Variants in FSCN2 observed in about 807,000 individuals in gnomAD.
FSCN2 encodes fascin actin-bundling protein 2, retinal.
FSCN2 carries 46 observed loss-of-function variants against 37.8 expected under a neutral mutation model. The ratio of observed to expected loss-of-function variants is 1.22; its 90% CI spans 0.96 to 1.56. The LOEUF (loss-of-function observed/expected upper bound fraction) is 1.56, where lower values mean the gene tolerates loss of function less well. Ranked by LOEUF, FSCN2 falls within the 40% of genes most tolerant of loss-of-function variation. The probability of loss-of-function intolerance (pLI) is 0.00; values close to 1 mark genes in which losing one functional copy is unlikely to be tolerated. For missense variants in FSCN2, 844 were observed against 730.4 expected, an observed-to-expected ratio of 1.16 and a Z score of -1.79; for synonymous variants, 351 against 309.4, an observed-to-expected ratio of 1.13 and a Z score of -1.41.
intron 1 of FSCN2, among the ~76,000 whole-genome samples, chr17:81,531,212 G>GAT (rs1568076844): frequency 4.5e-5 from 6 of 134,624 alleles, no homozygotes; most frequent in Middle Eastern, 3.5e-3. Context: ...TGGTGGTGAT[G>GAT]GTGGTGATGG....
At chr17:81,520,432 C>T in the FSCN2 span, among the ~76,000 whole-genome samples, 3 of 152,242 alleles carry the variant, frequency 2.0e-5, no homozygotes, top group East Asian at 5.8e-4. Flanking sequence ...ACCTTGGGCT[C>T]TCTTGAAGGT....
At chr17:81,531,912 ATGATGG>A (rs1211868613) in intron 1 of FSCN2, among the ~76,000 whole-genome samples, 6 of 138,902 alleles carry the variant, frequency 4.3e-5, no homozygotes, top group African/African-American at 8.2e-5. Context: ...AGTGATGGTG[ATGATGG>A]TGATGGTGAT....
At chr17:81,515,564 G>A in the FSCN2 span, among the ~76,000 whole-genome samples, 3 of 152,206 alleles carry the variant, frequency 2.0e-5, no homozygotes, top group Non-Finnish European at 2.9e-5. Context: ...CGACAACAGT[G>A]GCCCAGGGAG....
At chr17:81,527,235 G>A (rs1421507566), upstream of FSCN2, 6 of 152,380 alleles carry the variant, frequency 3.9e-5, no homozygotes, top group Non-Finnish European at 8.8e-5. Context: ...CTCAGGAGAT[G>A]GGCCCAGGAG....
At chr17:81,536,826 G>C (rs769334745) in intron 4 of FSCN2, 37 bp downstream of exon 4, 128 of 1,554,464 alleles carry the variant, frequency 8.2e-5, no homozygotes, top group South Asian at 5.3e-4. Context: ...GGGAGCGGGG[G>C]TGGCAGCGGG....
the FSCN2 span, among the ~76,000 whole-genome samples, chr17:81,515,371 G>T: frequency 6.6e-6 from 1 of 152,232 alleles, no homozygotes; most frequent in African/African-American, 2.4e-5. Flanking sequence ...GCGGCCTCCG[G>T]AGCCGGGAGA....
At chr17:81,535,237 T>TCATCCCCATCCCCAC (rs1375102431) in intron 2 of FSCN2, 29 bp downstream of exon 2, 9 of 1,484,188 alleles carry the variant, frequency 6.1e-6, no homozygotes, top group Admixed American at 2.1e-5. Flanking sequence ...TCCTCCTCCA[T>TCATCCCCATCCCCAC]CATCCCCATC....
upstream of FSCN2, chr17:81,523,592 CAG>C (rs1555669727): frequency 6.6e-6 from 1 of 152,556 alleles, no homozygotes; most frequent in Non-Finnish European, 1.5e-5. Context: ...AAGGGGACAA[CAG>C]AGCCTAGGCA....
intron 1 of FSCN2, among the ~76,000 whole-genome samples, chr17:81,533,894 C>A (rs924367342): frequency 6.6e-6 from 1 of 152,128 alleles, no homozygotes; most frequent in African/African-American, 2.4e-5. Flanking sequence ...GCTGTGGCTT[C>A]CTTCAGTGCC....
rs184769127 is a variant in FSCN2 at position 81,534,107 on chromosome 17, C to T, written c.827-945C>T. 3.3e-3 allele frequency among the ~76,000 whole-genome samples: 509 copies of T among 152,308 alleles called. 3 individuals are homozygous for T. The highest frequency in any genetic ancestry group is 0.011 in the African/African-American group (475 of 41,566). ...AGGGGACATGCCGGGTGCTCCTCTG[C>T]GTCTGATCAGTGATGAGTGTGAGGG... is the stretch of plus-strand genomic sequence containing the variant. On this transcript the variant is annotated intron_variant, in intron 1 of 4. Transcript: ENST00000417245.
intron 1 of FSCN2, among the ~76,000 whole-genome samples, chr17:81,531,444 ATGGTGGTGGTGATGGTGATGATGG>A (rs1568077399): frequency 4.5e-4 from 25 of 55,814 alleles, no homozygotes; most frequent in Admixed American, 1.8e-3. Context: ...GATGGTGGTG[ATGGTGGTGGTGATGGTGATGATGG>A]TGGTGGTGGT....
upstream of FSCN2, among the ~76,000 whole-genome samples, chr17:81,528,203 TAGGCCCTC>T (rs1401798832): frequency 1.3e-5 from 2 of 152,160 alleles, no homozygotes; most frequent in African/African-American, 4.8e-5. Flanking sequence ...TCCAGCCCCG[TAGGCCCTC>T]AGGCCCTCGG....
chr17:81,532,716 GTGGTGA>G (rs1300015149), intron 1 of FSCN2, among the ~76,000 whole-genome samples: 1 of 150,862 alleles, frequency 6.6e-6, no homozygotes, highest in Non-Finnish European at 1.5e-5. Context: ...AGTGATGGTG[GTGGTGA>G]TAGTGATGGT....
At chr17:81,517,232 C>G in the FSCN2 span, among the ~76,000 whole-genome samples, 1 of 152,048 alleles carries the variant, frequency 6.6e-6, no homozygotes, top group Non-Finnish European at 1.5e-5. Context: ...CTCCCCATCC[C>G]CGCTGTGAGC....
rs1555670535 is a variant in FSCN2, at chr17:81,528,641, C to T, written c.110C>T (p.Ala37Val). The T allele has an allele frequency of 1.9e-6, 3 of 1,603,682 alleles. No homozygotes were observed. In the South Asian group the frequency reaches 3.4e-5, roughly 18 times the overall value. ...ESFGFKVNAS[A>V]PSLKRKQTWV... ...TTCGGCTTCAAGGTCAATGCCTCGGCACCCAGCCTCAAGAGGAAGCAGACC... is the reference window on the plus strand; with the variant it reads ...TTCGGCTTCAAGGTCAATGCCTCGGTACCCAGCCTCAAGAGGAAGCAGACC... Residue 37 changes from alanine (A) to valine (V), a missense_variant, in exon 1 of 5, where the codon GCA (alanine) becomes GTA (valine). Ala to Val is a moderately conservative substitution (Grantham distance 64). Transcript: ENST00000417245.
chr17:81,529,204 G>T lies in FSCN2; in HGVS notation c.673G>T (p.Asp225Tyr), dbSNP rs782333124. 17 of 1,597,378 alleles carry T rather than the reference G, an allele frequency of 1.1e-5. No homozygotes were observed. The East Asian group carries it at 3.8e-4, about 36-fold the overall frequency. The stretch of plus-strand genomic sequence containing the variant: ...GGGCAAGCTGGCCTTCAAGGACTGC[G>T]ACGGCCACTACCTGGCACCCGTGGG... ...KAGKLAFKDC[D>Y]GHYLAPVGPA... The change falls in exon 1 of 5, where the codon GAC becomes TAC. Residue 225 changes from aspartate to tyrosine, a missense_variant. Coordinates refer to ENST00000417245, the MANE Select transcript of FSCN2 (RefSeq NM_012418.4).
chr17:81,532,521 G>GTGA (rs377396049), intron 1 of FSCN2, among the ~76,000 whole-genome samples: 104,570 of 132,216 alleles, frequency 0.79, 40,516 homozygotes, highest in East Asian at 0.81. Context: ...GGTGACGATG[G>GTGA]TGATGATGAT....
chr17:81,525,244 G>A (rs1301423096), upstream of FSCN2, among the ~76,000 whole-genome samples: 1 of 151,086 alleles, frequency 6.6e-6, no homozygotes, highest in Non-Finnish European at 1.5e-5. Flanking sequence ...TGGCCAACAT[G>A]GTGAAACCTC....
At chr17:81,523,397 G>A (rs117521040), upstream of FSCN2, among the ~76,000 whole-genome samples, 1,020 of 152,370 alleles carry the variant, frequency 6.7e-3, 4 homozygotes, top group Middle Eastern at 0.048. Context: ...CCCCTCGCCC[G>A]TGTAAGTGGA....
Sources: allele counts gnomAD v4.1 joint callset (sites outside exome capture counted in the v4.1 genomes callset), GRCh38; gene constraint gnomAD v4.1.1; transcripts MANE v1.5; gene names NCBI Gene and HGNC (gene_info 2026-07-23, HGNC 2026-07-21).